The following TBCK variants were observed in gnomAD, a reference collection of about 807,000 sequenced individuals.
The protein encoded by TBCK is TBC1 domain containing kinase.
TBCK carries 99 observed loss-of-function variants against 113.4 expected under a neutral mutation model. That is an observed-to-expected ratio of 0.87 (90% CI 0.74 to 1.03). The LOEUF (loss-of-function observed/expected upper bound fraction) is 1.03, where lower values mean the gene tolerates loss of function less well. Ranked by LOEUF, TBCK falls within the 50% of genes least tolerant of loss-of-function variation. The pLI, the probability that TBCK is intolerant of heterozygous loss-of-function variation, is 0.00. For synonymous variants in TBCK, 369 were observed against 370.8 expected, an observed-to-expected ratio of 1.00 and a Z score of 0.05; for missense variants, 1,045 against 1,061.3, an observed-to-expected ratio of 0.98 and a Z score of 0.21.
Position 106,193,780 on chromosome 4 carries a change from G to A in TBCK, c.1898-10C>T, listed in dbSNP as rs374606663. Reference sequence around the variant, plus strand: ...TGTAGTGGAAATACATCTGTAAAACGATAAAAATACAAATAAATTAAAAAA... The same window carrying A: ...TGTAGTGGAAATACATCTGTAAAACAATAAAAATACAAATAAATTAAAAAA... On this transcript the variant is annotated splice_polypyrimidine_tract_variant and intron_variant, in intron 21 of 25. Coordinates refer to ENST00000394708, the MANE Select transcript of TBCK (RefSeq NM_001163435.3). 2.4e-4 allele frequency: 357 copies of A among 1,502,320 alleles called. 1 individual carries two copies. The highest frequency in any genetic ancestry group is 3.0e-4 in the Non-Finnish European group (335 of 1,124,258). The allele number at this position is 1,502,320 out of a possible 1,614,324, so 93.1% of individuals were successfully genotyped here.
At chr4:106,079,644 G>A (rs1738627556) in intron 25 of TBCK, among the ~76,000 whole-genome samples, 1 of 152,166 alleles carries the variant, frequency 6.6e-6, no homozygotes, top group Non-Finnish European at 1.5e-5. Flanking sequence ...AGACACTGGT[G>A]AAAGAAATTA....
intron 3 of TBCK, among the ~76,000 whole-genome samples, chr4:106,275,502 A>T (rs62318088): frequency 0.077 from 11,668 of 152,220 alleles, 511 homozygotes; most frequent in Middle Eastern, 0.18. Context: ...TTCAACAATG[A>T]TATGGTTGTT....
chr4:106,161,078 G>C (rs977179573), intron 23 of TBCK, among the ~76,000 whole-genome samples: 6 of 151,920 alleles, frequency 3.9e-5, no homozygotes, highest in African/African-American at 1.4e-4. Context: ...TGGGTACAGA[G>C]GTGCAGTTTT....
chr4:106,212,823 ACAGT>A lies in TBCK; in HGVS notation c.1783_1786del (p.Thr595SerfsTer5). The A allele has an allele frequency of 6.2e-7, 1 of 1,609,226 alleles. No homozygotes were observed. The highest frequency in any genetic ancestry group is 8.5e-7 in the Non-Finnish European group (1 of 1,176,454). On this transcript the variant is annotated frameshift_variant, in exon 20 of 26. Coordinates refer to ENST00000394708, the MANE Select transcript of TBCK (RefSeq NM_001163435.3). LOFTEE classifies it high-confidence loss of function. ...ATGAAATGCAATCATCTGAGAGAAG[ACAGT>A]CAGATACTCTGAAATTACAAAGTTT...
chr4:106,125,276 T>A (rs945837807), intron 23 of TBCK, among the ~76,000 whole-genome samples: 2 of 152,166 alleles, frequency 1.3e-5, no homozygotes, highest in African/African-American at 4.8e-5. Context: ...TGCACTCCCA[T>A]GTTCATTACA....
intron 3 of TBCK, among the ~76,000 whole-genome samples, chr4:106,279,327 A>C (rs1424202224): frequency 6.6e-6 from 1 of 152,158 alleles, no homozygotes; most frequent in African/African-American, 2.4e-5. Context: ...ATTTTTGTGC[A>C]TATACAATAG....
intron 10 of TBCK, among the ~76,000 whole-genome samples, chr4:106,245,951 A>G (rs1197772780): frequency 6.6e-6 from 1 of 152,098 alleles, no homozygotes; most frequent in Admixed American, 6.6e-5. Context: ...AGAAAAAAAC[A>G]TCTGGAATTT....
intron 25 of TBCK, among the ~76,000 whole-genome samples, chr4:106,078,613 A>G (rs1738500749): frequency 6.6e-6 from 1 of 152,078 alleles, no homozygotes; most frequent in Non-Finnish European, 1.5e-5. Context: ...CAGACCTATA[A>G]CAAGTTCTGA....
chr4:106,236,906 T>C, intron 12 of TBCK, 98 bp from the exon 13 acceptor site: 1 of 570,972 alleles, frequency 1.8e-6, no homozygotes, highest in Non-Finnish European at 2.8e-6. Flanking sequence ...TATAAATTTA[T>C]AAAGGGACCT....
At chr4:106,257,300 GTTAGA>G (rs771393303) in intron 5 of TBCK, among the ~76,000 whole-genome samples, 1 of 152,058 alleles carries the variant, frequency 6.6e-6, no homozygotes, top group Non-Finnish European at 1.5e-5. Context: ...TTTAAAACCA[GTTAGA>G]TTAAATTATG....
At chr4:106,301,554 C>A (rs945710117) in intron 2 of TBCK, among the ~76,000 whole-genome samples, 1 of 152,012 alleles carries the variant, frequency 6.6e-6, no homozygotes, top group Non-Finnish European at 1.5e-5. Context: ...GTTTGCCATT[C>A]CTGAGATTAA....
chr4:106,061,469 T>G (rs913668851), intron 25 of TBCK, among the ~76,000 whole-genome samples: 1 of 150,948 alleles, frequency 6.6e-6, no homozygotes, highest in Non-Finnish European at 1.5e-5. Context: ...ATAAAGCATT[T>G]TTTGATTAAG....
intron 19 of TBCK, among the ~76,000 whole-genome samples, chr4:106,219,924 G>A (rs1217697797): frequency 6.6e-6 from 1 of 151,984 alleles, no homozygotes; most frequent in Non-Finnish European, 1.5e-5. Context: ...TTTTAAAACC[G>A]ATTATTTGGT....
intron 23 of TBCK, among the ~76,000 whole-genome samples, chr4:106,150,913 AG>A (rs1748403473): frequency 6.6e-6 from 1 of 152,120 alleles, no homozygotes; most frequent in Non-Finnish European, 1.5e-5. Context: ...ACTATTTCTC[AG>A]AGCTTTGAAT....
At chr4:106,053,569 T>C (rs2149448497) in intron 25 of TBCK, among the ~76,000 whole-genome samples, 1 of 151,848 alleles carries the variant, frequency 6.6e-6, no homozygotes, top group Non-Finnish European at 1.5e-5. Context: ...ACCTCTTCTC[T>C]ATCTACATTC....
intron 22 of TBCK, among the ~76,000 whole-genome samples, chr4:106,175,155 A>C (rs1751511701): frequency 6.6e-6 from 1 of 151,750 alleles, no homozygotes; most frequent in East Asian, 1.9e-4. Flanking sequence ...AAGAAAAAAA[A>C]ATCAATTTCC....
intron 23 of TBCK, among the ~76,000 whole-genome samples, chr4:106,153,171 TTTTC>T (rs1748707332): frequency 6.6e-6 from 1 of 152,090 alleles, no homozygotes; most frequent in Non-Finnish European, 1.5e-5. Flanking sequence ...TATTTGATGT[TTTTC>T]TTCTTTTTTG....
intron 23 of TBCK, among the ~76,000 whole-genome samples, chr4:106,132,635 G>A (rs1305577660): frequency 6.6e-6 from 1 of 152,180 alleles, no homozygotes; most frequent in East Asian, 1.9e-4. Context: ...CTGAGAGCTT[G>A]CACTGTGAGC....
intron 24 of TBCK, among the ~76,000 whole-genome samples, chr4:106,110,791 C>T (rs550910791): frequency 6.6e-6 from 1 of 152,200 alleles, no homozygotes; most frequent in South Asian, 2.1e-4. Context: ...TTACTGCCTC[C>T]ATCTCCCTCA....
Sources: allele counts gnomAD v4.1 joint callset (sites outside exome capture counted in the v4.1 genomes callset), GRCh38; gene constraint gnomAD v4.1.1; transcripts MANE v1.5; gene names NCBI Gene and HGNC (gene_info 2026-07-23, HGNC 2026-07-21).